Variants in TYSND1 observed in about 807,000 individuals in gnomAD.
TYSND1 encodes trypsin like peroxisomal matrix peptidase 1.
In TYSND1, 30 loss-of-function variants were observed where a neutral mutation model predicts 37.2. The ratio of observed to expected loss-of-function variants is 0.81; its 90% CI spans 0.60 to 1.09. The LOEUF (loss-of-function observed/expected upper bound fraction) is 1.09. TYSND1 is among the 50% of genes least tolerant of loss of function. The probability of loss-of-function intolerance (pLI) is 0.00; values close to 1 mark genes in which losing one functional copy is unlikely to be tolerated. For missense variants in TYSND1, 806 were observed against 817.4 expected (o/e 0.99, Z 0.17); for synonymous variants, 364 against 383.8 (o/e 0.95, Z 0.60).
In TYSND1 at chr10:70,138,512, G is replaced by C. The variant is rs929999327; in HGVS notation, c.*1412C>G. The C allele has an allele frequency of 6.6e-6, 1 of 152,412 alleles. No individual in the cohort carries two copies. Among genetic ancestry groups the C allele is most frequent in the Non-Finnish European group, 1.5e-5 (1 of 68,194 alleles). The allele number at this position is 152,412 out of a possible 1,614,324, so 9.4% of individuals were successfully genotyped here. ...CCCTCACAGGGCTTTCAGCCTGCCA[G>C]TAGAAATCACTCGAGGGCCCACACA... On this transcript the variant is annotated 3_prime_UTR_variant, in exon 4 of 4. Coordinates refer to ENST00000287078, the MANE Select transcript of TYSND1 (RefSeq NM_173555.4).
chr10:70,140,035 G>A lies in TYSND1; in HGVS notation c.1590C>T (p.Ser530=), dbSNP rs1019275526. 1.2e-6 allele frequency: 2 copies of A among 1,614,210 alleles called. No homozygotes were observed. The highest frequency in any genetic ancestry group is 2.2e-5 in the South Asian group (2 of 91,088). Residue 530 remains serine (S), a synonymous_variant, in exon 4 of 4, where the codon AGC becomes AGT. Transcript: ENST00000287078. ...TVLQPALQQY[S]QTQDLGGLRE... Reference sequence around the variant, plus strand: ...GGAGGCCACCTAGGTCTTGGGTCTGGCTGTACTGCTGCAGGGCCGGCTGGA... The same window carrying A: ...GGAGGCCACCTAGGTCTTGGGTCTGACTGTACTGCTGCAGGGCCGGCTGGA...
intron 3 of TYSND1, among the ~76,000 whole-genome samples, chr10:70,140,792 T>C (rs2072757993): frequency 6.6e-6 from 1 of 152,168 alleles, no homozygotes; most frequent in Non-Finnish European, 1.5e-5. Flanking sequence ...TTGACATGAG[T>C]TGCACTAGTT....
At position 70,145,967 on chromosome 10, in the gene TYSND1, A is replaced by G; in HGVS notation, c.620T>C (p.Val207Ala). The change falls in exon 1 of 4, where the codon GTG becomes GCG. Residue 207 changes from valine (V) to alanine (A), a missense_variant. By Grantham distance (64) the Val-to-Ala change is moderately conservative (BLOSUM62 0). Transcript: ENST00000287078. ...CTTGGGCACGGCCCCGAGAGGCGAC[A>G]CCGCCATGGCTGGCCCGCGCTCCTC... Reference protein sequence around the residue: ...VEEERGPAMAVSPLGAVPKGA... With the variant: ...VEEERGPAMAASPLGAVPKGA... 2 of 1,562,714 alleles carry G rather than the reference A, an allele frequency of 1.3e-6. No individual in the cohort carries two copies. The highest frequency in any genetic ancestry group is 1.7e-6 in the Non-Finnish European group (2 of 1,154,928).
chr10:70,139,684 G>A lies in TYSND1; in HGVS notation c.*240C>T, dbSNP rs79175235. 0.033 allele frequency: 17,005 copies of A among 517,616 alleles called. 624 individuals carry two copies. Among genetic ancestry groups the A allele is most frequent in the East Asian group, 0.11 (3,532 of 31,266 alleles). The allele number at this position is 517,616 out of a possible 1,614,324, so 32.1% of individuals were successfully genotyped here. A position where few individuals can be genotyped will look rare whatever the true frequency, so the allele number is the denominator to read the frequency against. On this transcript the variant is annotated 3_prime_UTR_variant, in exon 4 of 4. Coordinates refer to ENST00000287078, the MANE Select transcript of TYSND1 (RefSeq NM_173555.4). ...AATACAGCTGAGTCTAGTGCTAGGG[G>A]ACAGAGAACTGGGGGCTCAAGAAAG...
At position 70,145,588 on chromosome 10, in the gene TYSND1, ACC is replaced by A; in HGVS notation, c.997_998del (p.Gly333SerfsTer75). 1 of 1,454,704 alleles carries A rather than the reference ACC, an allele frequency of 6.9e-7. No homozygotes were observed. The highest frequency in any genetic ancestry group is 9.0e-7 in the Non-Finnish European group (1 of 1,107,544). The allele number at this position is 1,454,704 out of a possible 1,614,324, so 90.1% of individuals were successfully genotyped here. A position where few individuals can be genotyped will look rare whatever the true frequency, so the allele number is the denominator to read the frequency against. On this transcript the variant is annotated frameshift_variant, in exon 1 of 4. Coordinates refer to ENST00000287078, the MANE Select transcript of TYSND1 (RefSeq NM_173555.4). LOFTEE classifies it high-confidence loss of function. ...LLPPEVGVPW[G>X]LPLRDSGPLW... The stretch of plus-strand genomic sequence containing the variant: ...GGGGCCCGGAGTCTCGGAGGGGCAG[ACC>A]CCACGGGACGCCCACCTCTGGCGGC...
rs2072707196 is a variant in TYSND1 at position 70,138,634 on chromosome 10, T to C, written c.*1290A>G. ...CTCATTCACCCTTGAACTCCCCAAC[T>C]GCCACCCACCTTAGGCATTCTTTAA... On this transcript the variant is annotated 3_prime_UTR_variant, in exon 4 of 4. Coordinates refer to ENST00000287078, the MANE Select transcript of TYSND1 (RefSeq NM_173555.4). 2 of 152,764 alleles carry C rather than the reference T, an allele frequency of 1.3e-5. No homozygotes were observed. The highest frequency in any genetic ancestry group is 1.3e-4 in the Admixed American group (2 of 15,290). The allele number at this position is 152,764 out of a possible 1,614,324, so 9.5% of individuals were successfully genotyped here.
chr10:70,141,652 T>C (rs2072776543), intron 3 of TYSND1, among the ~76,000 whole-genome samples: 1 of 152,208 alleles, frequency 6.6e-6, no homozygotes, highest in African/African-American at 2.4e-5. Context: ...CTTCTGACGT[T>C]CACCTTGATC....
At chr10:70,144,059 G>A (rs1488858213) in intron 1 of TYSND1, 87 bp from the exon 2 acceptor site, 2 of 1,558,770 alleles carry the variant, frequency 1.3e-6, no homozygotes, top group African/African-American at 2.7e-5. Context: ...GACAGTAAAA[G>A]TCAGAAGATC....
In TYSND1 at chr10:70,145,608, CTGGCGGCAGAA is replaced by C. The variant is rs753276416; in HGVS notation, c.968_978del (p.Leu323ArgfsTer82). The C allele has an allele frequency of 3.6e-5, 52 of 1,439,526 alleles. No homozygotes were observed. In the South Asian group the frequency reaches 6.5e-4, roughly 18 times the overall value. The allele number at this position is 1,439,526 out of a possible 1,614,324, so 89.2% of individuals were successfully genotyped here. On this transcript the variant is annotated frameshift_variant, in exon 1 of 4. Transcript: ENST00000287078. LOFTEE classifies it high-confidence loss of function. ...GGCAGACCCCACGGGACGCCCACCT[CTGGCGGCAGAA>C]GGGCGGCCAGGGCAGCGGTGCTGTG... is the stretch of plus-strand genomic sequence containing the variant.
Position 70,146,020 on chromosome 10 carries a change from G to A in TYSND1, c.567C>T (p.Gly189=). The A allele has an allele frequency of 6.3e-7, 1 of 1,599,542 alleles. No homozygotes were observed. The highest frequency in any genetic ancestry group is 8.5e-7 in the Non-Finnish European group (1 of 1,174,052). ...CCACCTCCTCCTGGCCTAGCCGCACGCCCAGCAGCGCAAACCAGCCCAGCG... is the reference window on the plus strand; with the variant it reads ...CCACCTCCTCCTGGCCTAGCCGCACACCCAGCAGCGCAAACCAGCCCAGCG... ...LRALGWFALL[G]VRLGQEEVEE... Residue 189 remains glycine (G), a synonymous_variant, in exon 1 of 4, where the codon GGC becomes GGT. Coordinates refer to ENST00000287078, the MANE Select transcript of TYSND1 (RefSeq NM_173555.4).
At chr10:70,141,962 G>A (rs981115795) in intron 3 of TYSND1, among the ~76,000 whole-genome samples, 3 of 152,080 alleles carry the variant, frequency 2.0e-5, no homozygotes, top group African/African-American at 7.3e-5. Context: ...CTAAAGTTAT[G>A]CAAATACAAT....
intron 3 of TYSND1, among the ~76,000 whole-genome samples, chr10:70,140,880 T>C (rs2072759325): frequency 2.0e-5 from 3 of 152,156 alleles, no homozygotes; most frequent in Non-Finnish European, 4.4e-5. Context: ...ATCTCCCAAA[T>C]CTCCTCCAAT....
chr10:70,146,678 C>T lies in TYSND1; in HGVS notation c.-92G>A. 1 of 1,268,472 alleles carries T rather than the reference C, an allele frequency of 7.9e-7. No homozygotes were observed. The highest frequency in any genetic ancestry group is 1.6e-5 in the African/African-American group (1 of 64,142). The allele number at this position is 1,268,472 out of a possible 1,614,324, so 78.6% of individuals were successfully genotyped here. A position where few individuals can be genotyped will look rare whatever the true frequency, so the allele number is the denominator to read the frequency against. On this transcript the variant is annotated 5_prime_UTR_variant, in exon 1 of 4. Coordinates refer to ENST00000287078, the MANE Select transcript of TYSND1 (RefSeq NM_173555.4). ...CCGGTCCGGCTGAAGCTGCCTAGCG[C>T]CACCCACAGCTGGAAGCGAGAGGCG...
Position 70,138,411 on chromosome 10 carries a change from T to C in TYSND1, c.*1513A>G, listed in dbSNP as rs78540960. On this transcript the variant is annotated 3_prime_UTR_variant, in exon 4 of 4. Coordinates refer to ENST00000287078, the MANE Select transcript of TYSND1 (RefSeq NM_173555.4). ...ATATATCATAACACCACACCCAGCA[T>C]TGGCACTCAGCACACAGGTGTTAGA... The C allele has an allele frequency of 0.042, 6,397 of 152,342 alleles. 257 individuals are homozygous for C. Among genetic ancestry groups the C allele is most frequent in the East Asian group, 0.15 (787 of 5,178 alleles). The allele number at this position is 152,342 out of a possible 1,614,324, so 9.4% of individuals were successfully genotyped here.
Position 70,142,693 on chromosome 10 carries a change from G to A in TYSND1, c.1458C>T (p.Phe486=). The change falls in exon 3 of 4, where the codon TTC becomes TTT. Residue 486 remains phenylalanine, a synonymous_variant. Coordinates refer to ENST00000287078, the MANE Select transcript of TYSND1 (RefSeq NM_173555.4). Reference sequence around the variant, plus strand: ...CAAGGAGGTTTCCTGAGTGGTTGGAGAAGAGGGGTCCCCCACTGGAGCCGC... The same window carrying A: ...CAAGGAGGTTTCCTGAGTGGTTGGAAAAGAGGGGTCCCCCACTGGAGCCGC... ...VHSGSSGGPL[F]SNHSGNLLGI... 6.2e-7 allele frequency: 1 copy of A among 1,600,950 alleles called. No homozygotes were observed. Among genetic ancestry groups the A allele is most frequent in the Non-Finnish European group, 8.5e-7 (1 of 1,173,914 alleles).
intron 3 of TYSND1, among the ~76,000 whole-genome samples, chr10:70,140,886 C>A (rs1290651135): frequency 6.6e-6 from 1 of 152,192 alleles, no homozygotes; most frequent in Non-Finnish European, 1.5e-5. Flanking sequence ...CAAATCTCCT[C>A]CAATCTGGGT....
intron 1 of TYSND1, 143 bp downstream of exon 1, chr10:70,145,278 G>A (rs956348921): frequency 2.4e-5 from 18 of 749,028 alleles, no homozygotes; most frequent in Non-Finnish European, 3.1e-5. Flanking sequence ...AGGATGAGGG[G>A]AGGGTTCCAG....
Position 70,145,573 on chromosome 10 carries a change from G to C in TYSND1, c.1014C>G (p.Asp338Glu), listed in dbSNP as rs989159930. ...VGVPWGLPLRDSGPLWAAAAV... is the reference protein window; with the variant it reads ...VGVPWGLPLRESGPLWAAAAV... ...CCGCGGCTGCCCACAGGGGCCCGGAGTCTCGGAGGGGCAGACCCCACGGGA... is the reference window on the plus strand; with the variant it reads ...CCGCGGCTGCCCACAGGGGCCCGGACTCTCGGAGGGGCAGACCCCACGGGA... Residue 338 changes from aspartate to glutamate, a missense_variant, in exon 1 of 4, where the codon GAC becomes GAG. This residue lies in a region of TYSND1 where 708 missense variants were observed against 705.4 expected (regional missense o/e 1.00). Coordinates refer to ENST00000287078, the MANE Select transcript of TYSND1 (RefSeq NM_173555.4). 1.1e-5 allele frequency: 16 copies of C among 1,481,064 alleles called. No individual in the cohort carries two copies. Among genetic ancestry groups the C allele is most frequent in the Non-Finnish European group, 1.3e-5 (15 of 1,120,462 alleles). 91.7% of individuals were successfully genotyped at this position (1,481,064 alleles called of 1,614,324 possible).
At position 70,146,392 on chromosome 10, in the gene TYSND1, G is replaced by T. The variant is rs969346185; in HGVS notation, c.195C>A (p.Thr65=). The change falls in exon 1 of 4, where the codon ACC becomes ACA. Residue 65 remains threonine (T), a synonymous_variant. Transcript: ENST00000287078. ...CAGGCAGGAAGACGGCGCCGGCCGC[G>T]GTCAGGACTTCGCTGCCAGCTCGCA... ...PFLRAGSEVL[T]AAGAVFLPGD... The T allele has an allele frequency of 1.3e-6, 2 of 1,584,722 alleles. No homozygotes were observed. Among genetic ancestry groups the T allele is most frequent in the South Asian group, 2.3e-5 (2 of 88,196 alleles).
Sources: allele counts gnomAD v4.1 joint callset (sites outside exome capture counted in the v4.1 genomes callset), GRCh38; gene constraint gnomAD v4.1.1; regional missense constraint gnomAD v4.1.1; transcripts MANE v1.5; gene names NCBI Gene and HGNC (gene_info 2026-07-23, HGNC 2026-07-21).